SOX6: variants seen among roughly 807,000 people sequenced by gnomAD.
SOX6 encodes the protein SRY-box transcription factor 6.
Under a neutral mutation model 97.8 loss-of-function variants are expected in SOX6, and 11 were observed. That is an observed-to-expected ratio of 0.11 (90% CI 0.07 to 0.19). The LOEUF (loss-of-function observed/expected upper bound fraction) is 0.19. Ranked by LOEUF, SOX6 falls within the 10% of genes least tolerant of loss-of-function variation. The pLI is 1.00. For synonymous variants in SOX6, 360 were observed against 371.4 expected, an observed-to-expected ratio of 0.97 and a Z score of 0.35; for missense variants, 810 against 1,039.5, an observed-to-expected ratio of 0.78 and a Z score of 3.04.
chr11:16,251,498 T>G (rs562256331), intron 3 of SOX6, among the ~76,000 whole-genome samples: 25 of 152,004 alleles, frequency 1.6e-4, no homozygotes, highest in Non-Finnish European at 3.1e-4. Flanking sequence ...TGCTAATAAA[T>G]TTGAAACTTT....
intron 5 of SOX6, among the ~76,000 whole-genome samples, chr11:16,186,288 G>A (rs945588876): frequency 2.6e-5 from 4 of 152,120 alleles, no homozygotes; most frequent in Non-Finnish European, 4.4e-5. Flanking sequence ...TATTACTCTA[G>A]AAAACAGGCA....
chr11:16,152,258 C>G (rs1237234070), intron 6 of SOX6, among the ~76,000 whole-genome samples: 2 of 152,128 alleles, frequency 1.3e-5, no homozygotes, highest in African/African-American at 4.8e-5. Context: ...GGAGGTCAAG[C>G]ATATGCTGTT....
At position 16,605,027 on chromosome 11, in the gene SOX6, C is replaced by A. The variant is rs1188650847; in HGVS notation, n.609+7054G>T. On this transcript the variant is annotated intron_variant and non_coding_transcript_variant, in intron 4 of 5. Coordinates refer to the SOX6 transcript ENST00000524520. The surrounding 1 kb of genome is among the most constrained non-coding windows in gnomAD (Gnocchi z 5.3). Reference sequence around the variant, plus strand: ...TTGCACAAGCCCTTTCCCTTCTCTGCCCGGCCCTTTAAGGGAGAAGGAAGA... The same window carrying A: ...TTGCACAAGCCCTTTCCCTTCTCTGACCGGCCCTTTAAGGGAGAAGGAAGA... Among the ~76,000 whole-genome samples the A allele has an allele frequency of 2.0e-5, 3 of 152,100 alleles. No homozygotes were observed. The highest frequency in any genetic ancestry group is 2.9e-5 in the Non-Finnish European group (2 of 68,018).
chr11:16,007,323 TAGAC>T (rs980988550), intron 13 of SOX6, among the ~76,000 whole-genome samples: 10 of 152,026 alleles, frequency 6.6e-5, no homozygotes, highest in East Asian at 3.9e-4. Context: ...TGTTTAAACA[TAGAC>T]AGGGTACAGA....
intron 4 of SOX6, among the ~76,000 whole-genome samples, chr11:16,498,786 A>C (rs980100499): frequency 3.3e-5 from 5 of 152,254 alleles, no homozygotes; most frequent in East Asian, 1.9e-4. Flanking sequence ...GCACACAATA[A>C]AGGAGCACCC....
chr11:16,300,794 CAG>C lies in SOX6; in HGVS notation c.445+17650_445+17651del, dbSNP rs1183145171. Among the ~76,000 whole-genome samples, 6 of 152,196 alleles carry C rather than the reference CAG, an allele frequency of 3.9e-5. No homozygotes were observed. The highest frequency in any genetic ancestry group is 1.2e-4 in the African/African-American group (5 of 41,460). ...TAGATCTACATGTCTAAGAAGAATA[CAG>C]AGTTTTCTTTGGCCATTAAATGTTA... On this transcript the variant is annotated intron_variant, in intron 3 of 15. Coordinates refer to ENST00000683767, the MANE Select transcript of SOX6 (RefSeq NM_001367873.1). This position sits in a 1 kb window ranked among gnomAD's most constrained non-coding sequence, Gnocchi z 4.1.
intron 6 of SOX6, among the ~76,000 whole-genome samples, chr11:16,139,052 T>C (rs1226973518): frequency 2.0e-5 from 3 of 152,206 alleles, no homozygotes; most frequent in East Asian, 3.9e-4. Context: ...ATTCAGGTAA[T>C]ACATTTTTGT....
chr11:16,609,224 A>G (rs558528219), intron 4 of SOX6, among the ~76,000 whole-genome samples: 1 of 152,360 alleles, frequency 6.6e-6, no homozygotes, highest in Admixed American at 6.5e-5. Flanking sequence ...TAGAGGCAGT[A>G]TGCACAAGGT....
intron 1 of SOX6, among the ~76,000 whole-genome samples, chr11:16,401,240 G>A (rs1467575126): frequency 6.6e-6 from 1 of 151,554 alleles, no homozygotes; most frequent in Non-Finnish European, 1.5e-5. Flanking sequence ...CCTGGACCAA[G>A]AAAGGTTTGC....
intron 4 of SOX6, among the ~76,000 whole-genome samples, chr11:16,216,109 C>T (rs1200735265): frequency 6.6e-6 from 1 of 152,038 alleles, no homozygotes; most frequent in African/African-American, 2.4e-5. Context: ...ACAATGATGC[C>T]CATCTCATGG....
chr11:16,467,825 T>C (rs1860070987), intron 1 of SOX6, among the ~76,000 whole-genome samples: 1 of 152,062 alleles, frequency 6.6e-6, no homozygotes, highest in Non-Finnish European at 1.5e-5. Context: ...AAAGACATGC[T>C]AAAGGTTAAA....
chr11:16,627,701 T>C (rs1848642166), intron 3 of SOX6, among the ~76,000 whole-genome samples: 1 of 152,212 alleles, frequency 6.6e-6, no homozygotes, highest in Non-Finnish European at 1.5e-5. Flanking sequence ...ATATTAGACA[T>C]TTGTTGGATG....
intron 9 of SOX6, among the ~76,000 whole-genome samples, chr11:16,062,482 A>C (rs1847984342): frequency 6.6e-6 from 1 of 151,708 alleles, no homozygotes; most frequent in African/African-American, 2.4e-5. Flanking sequence ...TTGAGGTTTA[A>C]AAATCAACAA....
intron 3 of SOX6, among the ~76,000 whole-genome samples, chr11:16,640,212 T>G (rs1848875004): frequency 6.6e-6 from 1 of 152,220 alleles, no homozygotes; most frequent in Non-Finnish European, 1.5e-5. Context: ...TGGATTACAT[T>G]TATTGATTTG....
intron 4 of SOX6, among the ~76,000 whole-genome samples, chr11:16,548,478 G>A (rs1847644998): frequency 1.3e-5 from 2 of 152,012 alleles, no homozygotes; most frequent in Non-Finnish European, 1.5e-5. Context: ...AAGCCACAAT[G>A]GGCCATAGAC....
chr11:16,420,972 A>G (rs576627025), intron 1 of SOX6, among the ~76,000 whole-genome samples: 31 of 152,298 alleles, frequency 2.0e-4, no homozygotes, highest in African/African-American at 7.5e-4. Flanking sequence ...AATCAGGTAA[A>G]AAGGGCCAAA....
At chr11:16,628,477 T>A (rs1198111676) in intron 3 of SOX6, among the ~76,000 whole-genome samples, 1 of 151,794 alleles carries the variant, frequency 6.6e-6, no homozygotes, top group Non-Finnish European at 1.5e-5. Context: ...TACAAAAAAA[T>A]TAGCTGGGTA....
chr11:16,086,877 C>T (rs561642372), intron 9 of SOX6, among the ~76,000 whole-genome samples: 1 of 152,294 alleles, frequency 6.6e-6, no homozygotes, highest in South Asian at 2.1e-4. Flanking sequence ...GAATGTCATA[C>T]TGACTTTGAA....
At chr11:16,145,923 T>C (rs574355596) in intron 6 of SOX6, among the ~76,000 whole-genome samples, 1 of 152,298 alleles carries the variant, frequency 6.6e-6, no homozygotes, top group East Asian at 1.9e-4. Flanking sequence ...ATGGCCATAC[T>C]GTCCAAGGTA....
Sources: allele counts gnomAD v4.1 joint callset (sites outside exome capture counted in the v4.1 genomes callset), GRCh38; gene constraint gnomAD v4.1.1; non-coding constraint Gnocchi (gnomAD v3.1); transcripts MANE v1.5; gene names NCBI Gene and HGNC (gene_info 2026-07-23, HGNC 2026-07-21).